The following DOCK4 variants were observed in gnomAD, a reference collection of about 807,000 sequenced individuals.
DOCK4 encodes dedicator of cytokinesis 4, also known as dedicator of cytokinesis protein 4.
Under a neutral mutation model 268.1 loss-of-function variants are expected in DOCK4, and 97 were observed. The ratio of observed to expected loss-of-function variants is 0.36; its 90% CI spans 0.31 to 0.43. The LOEUF (loss-of-function observed/expected upper bound fraction) is 0.43, where lower values mean the gene tolerates loss of function less well. Ranked by LOEUF, DOCK4 falls within the 20% of genes least tolerant of loss-of-function variation. The probability of loss-of-function intolerance (pLI) is 1.00; values close to 1 mark genes in which losing one functional copy is unlikely to be tolerated. For missense variants in DOCK4, 2,145 were observed against 2,455.7 expected (o/e 0.87, Z 2.67); for synonymous variants, 954 against 887.2 (o/e 1.08, Z -1.34).
At chr7:111,772,370 T>A (rs944538444) in intron 36 of DOCK4, among the ~76,000 whole-genome samples, 2 of 151,456 alleles carry the variant, frequency 1.3e-5, no homozygotes, top group Admixed American at 6.6e-5. Flanking sequence ...GAGACCCCCA[T>A]CTCAAAAAAA....
Position 111,923,190 on chromosome 7 carries a change from G to A in DOCK4, c.1067-7286C>T, listed in dbSNP as rs184382544. Among the ~76,000 whole-genome samples, 5 of 152,244 alleles carry A rather than the reference G, an allele frequency of 3.3e-5. No homozygotes were observed. The East Asian group carries it at 9.6e-4, about 29-fold the overall frequency. On this transcript the variant is annotated intron_variant, in intron 12 of 52. Transcript: ENST00000428084. ...ATACATAAGCTAGAAATAATTTAAA[G>A]TATATGAGGGGATGTGCATAGGTTA...
At chr7:112,052,473 G>A (rs1433709298) in intron 1 of DOCK4, among the ~76,000 whole-genome samples, 2 of 151,694 alleles carry the variant, frequency 1.3e-5, no homozygotes, top group Non-Finnish European at 2.9e-5. Flanking sequence ...CCCTCACTTC[G>A]GGCATATAAT....
chr7:112,192,847 T>C (rs1270018489), intron 1 of DOCK4, among the ~76,000 whole-genome samples: 2 of 152,044 alleles, frequency 1.3e-5, no homozygotes, highest in Non-Finnish European at 2.9e-5. Context: ...TCGTAAAATA[T>C]GCCCTTATGC....
At chr7:112,101,683 C>T (rs1460317228) in intron 1 of DOCK4, among the ~76,000 whole-genome samples, 1 of 152,168 alleles carries the variant, frequency 6.6e-6, no homozygotes, top group Non-Finnish European at 1.5e-5. Context: ...GGCACATAGA[C>T]TCATTTTTCC....
intron 1 of DOCK4, among the ~76,000 whole-genome samples, chr7:112,079,081 T>C (rs1212062634): frequency 6.6e-6 from 1 of 152,140 alleles, no homozygotes; most frequent in Non-Finnish European, 1.5e-5. Flanking sequence ...GAGCTGAGAT[T>C]GTGCCACTGC....
intron 1 of DOCK4, among the ~76,000 whole-genome samples, chr7:112,187,220 T>C (rs1819554793): frequency 6.6e-6 from 1 of 152,130 alleles, no homozygotes; most frequent in Non-Finnish European, 1.5e-5. Context: ...AACTAGAAAA[T>C]TATTATCCTC....
At chr7:112,129,497 T>TAC (rs142104029) in intron 1 of DOCK4, among the ~76,000 whole-genome samples, 44 of 151,506 alleles carry the variant, frequency 2.9e-4, no homozygotes, top group South Asian at 6.2e-4. Flanking sequence ...TGCAATGAAC[T>TAC]ACACACACAC....
Position 112,000,538 on chromosome 7 carries a change from T to C in DOCK4, c.122-4A>G. On this transcript the variant is annotated splice_polypyrimidine_tract_variant and splice_region_variant and intron_variant, in intron 2 of 52. Transcript: ENST00000428084. Reference sequence around the variant, plus strand: ...AAGGCAAATCCTCTGTACCAGCCTGTGGAAAAATAATCATGGTCATATTTT... The same window carrying C: ...AAGGCAAATCCTCTGTACCAGCCTGCGGAAAAATAATCATGGTCATATTTT... 1 of 1,541,628 alleles carries C rather than the reference T, an allele frequency of 6.5e-7. No individual in the cohort carries two copies. Among genetic ancestry groups the C allele is most frequent in the Middle Eastern group, 1.7e-4 (1 of 5,834 alleles).
At chr7:112,203,122 T>C (rs1821089844) in intron 1 of DOCK4, among the ~76,000 whole-genome samples, 1 of 152,200 alleles carries the variant, frequency 6.6e-6, no homozygotes. Context: ...CCCCAGACGC[T>C]GGGACCCAGA....
At chr7:112,039,757 T>C (rs1295702519) in intron 1 of DOCK4, among the ~76,000 whole-genome samples, 1 of 152,168 alleles carries the variant, frequency 6.6e-6, no homozygotes, top group African/African-American at 2.4e-5. Context: ...TCCTAAAAAA[T>C]CAGAGAACCT....
In DOCK4 at chr7:112,055,635, C is replaced by T. The variant is rs112120509; in HGVS notation, c.38-51504G>A. ...CTTTAAACTTCCCTAGGGCAGGGCG[C>T]GGTAGCTCACGCCTATAATCCCAGC... On this transcript the variant is annotated intron_variant, in intron 1 of 52. Coordinates refer to ENST00000428084, the MANE Select transcript of DOCK4 (RefSeq NM_001363540.2). 3.6e-3 allele frequency among the ~76,000 whole-genome samples: 554 copies of T among 152,248 alleles called. 3 individuals carry two copies. The highest frequency in any genetic ancestry group is 0.011 in the African/African-American group (455 of 41,550).
chr7:111,944,744 T>G lies in DOCK4; in HGVS notation c.844+67A>C, dbSNP rs10280459. On this transcript the variant is annotated intron_variant, in intron 10 of 52. Transcript: ENST00000428084. ...CAGACAGCAATAAATCACAACAACA[T>G]AGAAACCTCTTGGCATTTCTCCTCT... 43 of 1,421,690 alleles carry G rather than the reference T, an allele frequency of 3.0e-5. 1 individual carries two copies. 88.1% of individuals were successfully genotyped at this position (1,421,690 alleles called of 1,614,324 possible). A position where few individuals can be genotyped will look rare whatever the true frequency, so the allele number is the denominator to read the frequency against.
At chr7:112,086,070 G>C (rs1809059897) in intron 1 of DOCK4, among the ~76,000 whole-genome samples, 1 of 152,098 alleles carries the variant, frequency 6.6e-6, no homozygotes, top group African/African-American at 2.4e-5. Flanking sequence ...GGAGTATTTT[G>C]AGGTAATATA....
intron 1 of DOCK4, among the ~76,000 whole-genome samples, chr7:112,103,209 A>G (rs1810844660): frequency 6.6e-6 from 1 of 152,256 alleles, no homozygotes; most frequent in South Asian, 2.1e-4. Flanking sequence ...GGAAAATAGC[A>G]CATAATTCAC....
chr7:112,192,674 T>C (rs2116808488), intron 1 of DOCK4, among the ~76,000 whole-genome samples: 1 of 152,338 alleles, frequency 6.6e-6, no homozygotes, highest in South Asian at 2.1e-4. Context: ...GAAATGTTGT[T>C]CAAAGTAAAT....
At chr7:111,794,054 A>T (rs1799728107) in intron 30 of DOCK4, among the ~76,000 whole-genome samples, 1 of 151,868 alleles carries the variant, frequency 6.6e-6, no homozygotes. Flanking sequence ...TAACTGGGAG[A>T]GTGTGGAAGA....
intron 15 of DOCK4, among the ~76,000 whole-genome samples, chr7:111,898,745 T>G (rs887955850): frequency 6.6e-6 from 1 of 152,254 alleles, no homozygotes; most frequent in Non-Finnish European, 1.5e-5. Flanking sequence ...TTTTTCCTTC[T>G]TCTTTACATT....
chr7:111,776,141 A>T (rs1200308336), intron 36 of DOCK4, among the ~76,000 whole-genome samples: 1 of 152,252 alleles, frequency 6.6e-6, no homozygotes, highest in Non-Finnish European at 1.5e-5. Context: ...GGTCTAGAAT[A>T]TAATCCAAAA....
chr7:112,095,525 A>G (rs1004754667), intron 1 of DOCK4, among the ~76,000 whole-genome samples: 1 of 152,192 alleles, frequency 6.6e-6, no homozygotes, highest in Non-Finnish European at 1.5e-5. Flanking sequence ...TTCAGCAAAC[A>G]TTTCACAGAA....
Sources: gnomAD v4.1 joint callset for allele counts (sites outside exome capture counted in the v4.1 genomes callset) on GRCh38, gnomAD v4.1.1 for gene constraint, MANE v1.5 for transcripts, NCBI Gene and HGNC (gene_info 2026-07-23, HGNC 2026-07-21) for gene names.